Variants in ZFHX3 observed in about 807,000 individuals in gnomAD.
ZFHX3 encodes the protein zinc finger homeobox 3.
A neutral mutation model predicts 279.1 loss-of-function variants in ZFHX3; 42 were observed. The observed-to-expected ratio is 0.15, with a 90% CI of 0.12 to 0.19. The LOEUF (loss-of-function observed/expected upper bound fraction) is 0.19, where lower values mean the gene tolerates loss of function less well. Ranked by LOEUF, ZFHX3 falls within the 10% of genes least tolerant of loss-of-function variation. The probability of loss-of-function intolerance (pLI) is 1.00; values close to 1 mark genes in which losing one functional copy is unlikely to be tolerated. For synonymous variants in ZFHX3, 2,293 were observed against 1,957.8 expected, an observed-to-expected ratio of 1.17 and a Z score of -4.52; for missense variants, 4,981 against 4,754.0, an observed-to-expected ratio of 1.05 and a Z score of -1.40.
intron 4 of ZFHX3, among the ~76,000 whole-genome samples, chr16:72,871,321 G>A (rs2038155040): frequency 6.7e-6 from 1 of 150,072 alleles, no homozygotes; most frequent in Admixed American, 6.6e-5. Context: ...GATCACAGGT[G>A]CCTGCCACCA....
Position 73,885,839 on chromosome 16 carries a change from T to C in ZFHX3, c.-1608+5812A>G, listed in dbSNP as rs13334421. On this transcript the variant is annotated intron_variant, in intron 1 of 17. Coordinates refer to the ZFHX3 transcript ENST00000641206. The stretch of plus-strand genomic sequence containing the variant: ...TGCCCTGTTAAACACTGCAAGTCAC[T>C]TTCACTCCCAGACCCTGATGCACCC... 4.8e-3 allele frequency among the ~76,000 whole-genome samples: 734 copies of C among 152,122 alleles called. 6 individuals are homozygous for C. Among genetic ancestry groups the C allele is most frequent in the African/African-American group, 0.017 (691 of 41,444 alleles).
chr16:73,511,489 A>G (rs772899645), intron 2 of ZFHX3, among the ~76,000 whole-genome samples: 1 of 152,220 alleles, frequency 6.6e-6, no homozygotes, highest in African/African-American at 2.4e-5. Context: ...GGACTATGAA[A>G]TTCTGTGCTC....
At chr16:72,947,930 C>G (rs1406256142) in intron 3 of ZFHX3, among the ~76,000 whole-genome samples, 1 of 152,208 alleles carries the variant, frequency 6.6e-6, no homozygotes, top group Non-Finnish European at 1.5e-5. Context: ...CAGGCCACAC[C>G]AGGGCCTAGA....
At chr16:73,066,180 C>T (rs1174436430) in intron 8 of ZFHX3, among the ~76,000 whole-genome samples, 8 of 152,374 alleles carry the variant, frequency 5.3e-5, no homozygotes, top group African/African-American at 1.4e-4. Flanking sequence ...AATTCCAGAG[C>T]TCAGCGGGCT....
chr16:73,786,014 G>A (rs1252782839), intron 1 of ZFHX3, among the ~76,000 whole-genome samples: 1 of 151,996 alleles, frequency 6.6e-6, no homozygotes. Flanking sequence ...GGGATTACAG[G>A]CATGCACCAC....
chr16:73,708,035 T>C (rs543772664), intron 1 of ZFHX3, among the ~76,000 whole-genome samples: 13 of 145,558 alleles, frequency 8.9e-5, no homozygotes, highest in Admixed American at 6.9e-5. Context: ...TTAATCCCTG[T>C]GGTTTTTGTG....
intron 3 of ZFHX3, among the ~76,000 whole-genome samples, chr16:73,347,584 C>T (rs565944192): frequency 6.6e-6 from 1 of 152,352 alleles, no homozygotes; most frequent in African/African-American, 2.4e-5. Flanking sequence ...TGGCAGGTGG[C>T]TGAGGCTTGA....
At chr16:73,546,510 G>A (rs1383494857) in intron 2 of ZFHX3, among the ~76,000 whole-genome samples, 1 of 150,874 alleles carries the variant, frequency 6.6e-6, no homozygotes, top group African/African-American at 2.4e-5. Context: ...GGGCGGGGGC[G>A]GGTAGGAAGA....
At chr16:73,675,548 A>C (rs1041447361) in intron 2 of ZFHX3, among the ~76,000 whole-genome samples, 1 of 152,052 alleles carries the variant, frequency 6.6e-6, no homozygotes, top group African/African-American at 2.4e-5. Context: ...GGATTTCCCT[A>C]TCAGTTTCAC....
At position 72,962,889 on chromosome 16, in the gene ZFHX3, G is replaced by A. The variant is rs116216734; in HGVS notation, c.-49-2695C>T. Among the ~76,000 whole-genome samples the A allele has an allele frequency of 3.2e-3, 485 of 152,114 alleles. 1 individual carries two copies. Among genetic ancestry groups the A allele is most frequent in the African/African-American group, 0.011 (470 of 41,498 alleles). On this transcript the variant is annotated intron_variant, in intron 1 of 9. Coordinates refer to ENST00000268489, the MANE Select transcript of ZFHX3 (RefSeq NM_006885.4). ...GGATGGAGATGGAGAAGAGGGGGACGCGCGCACAGAGGTAAAGAAGTCTCC... is the reference window on the plus strand; with the variant it reads ...GGATGGAGATGGAGAAGAGGGGGACACGCGCACAGAGGTAAAGAAGTCTCC...
At chr16:73,741,180 G>C (rs1034123896) in intron 1 of ZFHX3, among the ~76,000 whole-genome samples, 27 of 151,858 alleles carry the variant, frequency 1.8e-4, no homozygotes, top group African/African-American at 6.5e-4. Context: ...ACAGGCGCCT[G>C]CCACGACGCC....
chr16:72,990,747 G>A (rs955561049), intron 1 of ZFHX3, among the ~76,000 whole-genome samples: 19 of 152,138 alleles, frequency 1.2e-4, no homozygotes, highest in African/African-American at 3.4e-4. Flanking sequence ...CTGAGAGTCC[G>A]AGGCAGGTGG....
At chr16:73,308,693 T>A (rs1036058163) in intron 4 of ZFHX3, among the ~76,000 whole-genome samples, 1 of 152,156 alleles carries the variant, frequency 6.6e-6, no homozygotes, top group Non-Finnish European at 1.5e-5. Context: ...GAACAACTTA[T>A]GCATTTATCG....
At chr16:73,158,737 A>G (rs961831134) in intron 5 of ZFHX3, among the ~76,000 whole-genome samples, 1 of 152,220 alleles carries the variant, frequency 6.6e-6, no homozygotes, top group Non-Finnish European at 1.5e-5. Flanking sequence ...AGACACATAG[A>G]CGAATGGAAC....
chr16:73,180,700 T>C lies in ZFHX3; in HGVS notation c.-1103-36869A>G, dbSNP rs541544300. On this transcript the variant is annotated intron_variant, in intron 5 of 17. Transcript: ENST00000641206. ...TTTTTTGAGACAGAATCTCACTCTA[T>C]AGCCCAGGCTGGAGTGCAGTGGTGC... is the stretch of plus-strand genomic sequence containing the variant. 6.9e-4 allele frequency among the ~76,000 whole-genome samples: 105 copies of C among 152,160 alleles called. 1 individual carries two copies. Among genetic ancestry groups the C allele is most frequent in the African/African-American group, 2.5e-3 (102 of 41,526 alleles).
intron 5 of ZFHX3, among the ~76,000 whole-genome samples, chr16:73,196,258 C>G (rs1418636417): frequency 6.6e-6 from 1 of 151,668 alleles, no homozygotes; most frequent in Non-Finnish European, 1.5e-5. Flanking sequence ...AGCTCTACCC[C>G]GAATGGGATA....
intron 5 of ZFHX3, among the ~76,000 whole-genome samples, chr16:73,189,845 G>A (rs918705783): frequency 2.0e-5 from 3 of 152,184 alleles, no homozygotes; most frequent in Non-Finnish European, 4.4e-5. Context: ...TGTAATCCTA[G>A]TGCTTTAGGA....
intron 2 of ZFHX3, among the ~76,000 whole-genome samples, chr16:73,479,992 G>A (rs1346238638): frequency 6.6e-6 from 1 of 152,182 alleles, no homozygotes; most frequent in Non-Finnish European, 1.5e-5. Flanking sequence ...TGCTGTGATT[G>A]GCAGTCGTGG....
At chr16:73,076,065 C>T (rs1965884498) in intron 8 of ZFHX3, among the ~76,000 whole-genome samples, 2 of 152,164 alleles carry the variant, frequency 1.3e-5, no homozygotes, top group South Asian at 4.1e-4. Flanking sequence ...GTAACTTCTC[C>T]TTGTAAAATG....
Sources: gnomAD v4.1 joint callset for allele counts (sites outside exome capture counted in the v4.1 genomes callset) on GRCh38, gnomAD v4.1.1 for gene constraint, MANE v1.5 for transcripts, NCBI Gene and HGNC (gene_info 2026-07-23, HGNC 2026-07-21) for gene names.